FBN3: variants seen among roughly 807,000 people sequenced by gnomAD.
FBN3 encodes the protein fibrillin-3.
Under a neutral mutation model 330.1 loss-of-function variants are expected in FBN3, and 234 were observed. The observed-to-expected ratio is 0.71, with a 90% CI of 0.64 to 0.79. FBN3 has a LOEUF of 0.79. FBN3 is among the 30% of genes least tolerant of loss of function. FBN3 has a pLI of 0.00. For synonymous variants in FBN3, 1,458 were observed against 1,517.3 expected, an observed-to-expected ratio of 0.96 and a Z score of 0.91; for missense variants, 3,606 against 3,886.9, an observed-to-expected ratio of 0.93 and a Z score of 1.92.
At chr19:8,135,936 G>GGGGGGGGGGGGGCGGCCGGC in intron 13 of FBN3, 25 bp downstream of exon 13, 1 of 668,778 alleles carries the variant, frequency 1.5e-6, no homozygotes, top group Non-Finnish European at 2.4e-6. Context: ...GGAAGCCCCT[G>GGGGGGGGGGGGGCGGCCGGC]CCCACCCGCC....
Position 8,093,528 on chromosome 19 carries a change from C to T in FBN3, c.5905+918G>A, listed in dbSNP as rs1346791277. ...GTCCCAGCTATTTGGGAGGTTGAGG[C>T]AGGAGAATGGCGTGAACCTGGGAGG... On this transcript the variant is annotated intron_variant, in intron 47 of 63. Transcript: ENST00000600128. Among the ~76,000 whole-genome samples the T allele has an allele frequency of 1.3e-3, 196 of 151,984 alleles. 1 individual carries two copies. In the East Asian group the frequency reaches 0.034, roughly 27 times the overall value.
intron 63 of FBN3, among the ~76,000 whole-genome samples, chr19:8,066,760 TC>T (rs1340965187): frequency 1.3e-5 from 2 of 152,106 alleles, no homozygotes; most frequent in African/African-American, 4.8e-5. Context: ...GCGCCTGTAG[TC>T]CCAGCTACTT....
rs143770705 is a variant in FBN3 at position 8,080,837 on chromosome 19, G to A, written c.7453+166C>T. On this transcript the variant is annotated intron_variant, in intron 59 of 63. Coordinates refer to ENST00000600128, the MANE Select transcript of FBN3 (RefSeq NM_032447.5). ...GGTTTTCACCATGTTGGCCAGGCTG[G>A]TCTTGAACTCCTGACCTCAGATGAT... 6.1e-3 allele frequency among the ~76,000 whole-genome samples: 927 copies of A among 152,208 alleles called. 12 individuals carry two copies. Among genetic ancestry groups the A allele is most frequent in the African/African-American group, 0.021 (877 of 41,522 alleles).
rs2083144331 is a variant in FBN3 at position 8,131,455 on chromosome 19, C to T, written c.1990+99G>A. On this transcript the variant is annotated intron_variant, in intron 15 of 63. Coordinates refer to ENST00000600128, the MANE Select transcript of FBN3 (RefSeq NM_032447.5). This position sits in a 1 kb window ranked among gnomAD's most constrained non-coding sequence, Gnocchi z 4.5. ...CCCTTCAGCCTCTTTTTGGGAAGAG[C>T]CCCCACTCCATGGCAGCCATGACCC... 2.3e-5 allele frequency: 35 copies of T among 1,496,916 alleles called. No individual in the cohort carries two copies. The highest frequency in any genetic ancestry group is 3.0e-5 in the Non-Finnish European group (33 of 1,099,112). 92.7% of individuals were successfully genotyped at this position (1,496,916 alleles called of 1,614,324 possible). A position where few individuals can be genotyped will look rare whatever the true frequency, so the allele number is the denominator to read the frequency against.
intron 59 of FBN3, among the ~76,000 whole-genome samples, chr19:8,078,549 T>C (rs1423235826): frequency 6.6e-6 from 1 of 151,548 alleles, no homozygotes; most frequent in Non-Finnish European, 1.5e-5. Flanking sequence ...CCCTGGTCCA[T>C]GCAGCTGCTC....
Position 8,129,393 on chromosome 19 carries a change from G to A in FBN3, c.2045-28C>T. The A allele has an allele frequency of 6.2e-7, 1 of 1,611,490 alleles. No individual in the cohort carries two copies. The highest frequency in any genetic ancestry group is 2.2e-5 in the East Asian group (1 of 44,856). ...GCGGCAGGAGGAGGGTGTGTCAGCA[G>A]CAGCAGAAGGAGGGTGTGTCCGAGG... On this transcript the variant is annotated intron_variant, in intron 16 of 63. Coordinates refer to ENST00000600128, the MANE Select transcript of FBN3 (RefSeq NM_032447.5). This position sits in a 1 kb window ranked among gnomAD's most constrained non-coding sequence, Gnocchi z 4.5.
rs1599454493 is a variant in FBN3 at position 8,144,908 on chromosome 19, C to T, written c.510G>A (p.Val170=). The part of the protein sequence containing the change: ...RCIGPNRCAC[V]YGFMGPQCER... The stretch of plus-strand genomic sequence containing the variant: ...CACATTGAGGTCCCATGAAGCCATA[C>T]ACACAGGCGCAGCGGTTGGGCCCAA... The change falls in exon 6 of 64, where the codon GTG becomes GTA. Residue 170 remains valine, a synonymous_variant. Coordinates refer to ENST00000600128, the MANE Select transcript of FBN3 (RefSeq NM_032447.5). 7 of 1,612,172 alleles carry T rather than the reference C, an allele frequency of 4.3e-6. No individual in the cohort carries two copies. Among genetic ancestry groups the T allele is most frequent in the Non-Finnish European group, 4.2e-6 (5 of 1,179,544 alleles).
At chr19:8,126,087 G>A in intron 21 of FBN3, 70 bp from the exon 22 acceptor site, 2 of 1,600,540 alleles carry the variant, frequency 1.2e-6, no homozygotes, top group South Asian at 1.1e-5. Context: ...TTCCCCTGGG[G>A]TCTCAAGTTG....
At chr19:8,107,118 GGGATGGATGGAAGGAT>G (rs1257319664) in intron 37 of FBN3, among the ~76,000 whole-genome samples, 11 of 146,804 alleles carry the variant, frequency 7.5e-5, no homozygotes, top group Admixed American at 6.8e-4. Flanking sequence ...GAAGGATGGA[GGGATGGATGGAAGGAT>G]GGATGAATGG....
Position 8,076,383 on chromosome 19 carries a change from A to G in FBN3, c.7454-972T>C, listed in dbSNP as rs1038945824. On this transcript the variant is annotated intron_variant, in intron 59 of 63. Coordinates refer to ENST00000600128, the MANE Select transcript of FBN3 (RefSeq NM_032447.5). ...TACAGTGGCTCATGCCTGTAATCCC[A>G]GTGCTTTGGGAGGCCTAGGGAGCCT... Among the ~76,000 whole-genome samples the G allele has an allele frequency of 2.6e-5, 4 of 152,160 alleles. No individual in the cohort carries two copies. The East Asian group carries it at 7.7e-4, about 29-fold the overall frequency.
At chr19:8,116,560 C>T in intron 29 of FBN3, 114 bp downstream of exon 29, 1 of 1,121,386 alleles carries the variant, frequency 8.9e-7, no homozygotes. Flanking sequence ...CTGCGAATGG[C>T]AGGGGTGGGG....
chr19:8,081,229 C>T lies in FBN3; in HGVS notation c.7337-110G>A, dbSNP rs1029041161. ...GGCAGAGGGGTGACAAGAGAAAGAC[C>T]TCGGAGATGGTGCTTGACTCCATGC... On this transcript the variant is annotated intron_variant, in intron 58 of 63. Transcript: ENST00000600128. 4.0e-6 allele frequency: 6 copies of T among 1,494,072 alleles called. No individual in the cohort carries two copies. In the African/African-American group the frequency reaches 8.3e-5, roughly 21 times the overall value. 92.6% of individuals were successfully genotyped at this position (1,494,072 alleles called of 1,614,324 possible). A position where few individuals can be genotyped will look rare whatever the true frequency, so the allele number is the denominator to read the frequency against.
At chr19:8,081,827 C>T (rs569013947) in intron 57 of FBN3, among the ~76,000 whole-genome samples, 3 of 151,836 alleles carry the variant, frequency 2.0e-5, no homozygotes, top group Admixed American at 1.3e-4. Flanking sequence ...CTTAGATGTA[C>T]GCTTGCTACA....
chr19:8,115,688 C>T, intron 29 of FBN3, 48 bp from the exon 30 acceptor site: 1 of 1,602,654 alleles, frequency 6.2e-7, no homozygotes, highest in South Asian at 1.1e-5. Flanking sequence ...GCAGGGGTGA[C>T]AGGAGAGGAA....
intron 31 of FBN3, 54 bp downstream of exon 31, chr19:8,111,923 G>GC: frequency 2.3e-6 from 2 of 867,172 alleles, no homozygotes; most frequent in Admixed American, 4.9e-5. Flanking sequence ...CCACCGCCTT[G>GC]CCCCCCACCT....
At chr19:8,125,406 C>A (rs577631481) in intron 22 of FBN3, among the ~76,000 whole-genome samples, 16 of 134,086 alleles carry the variant, frequency 1.2e-4, no homozygotes, top group South Asian at 5.0e-4. Flanking sequence ...AGAGTGAGAC[C>A]CTGTCTCAAG....
chr19:8,066,494 T>C (rs1487790915), intron 63 of FBN3, among the ~76,000 whole-genome samples: 1 of 152,052 alleles, frequency 6.6e-6, no homozygotes. Flanking sequence ...ATGTTCTCAG[T>C]TATAAGTGGG....
chr19:8,083,225 A>C, intron 57 of FBN3, 22 bp downstream of exon 57: 1 of 1,613,650 alleles, frequency 6.2e-7, no homozygotes, highest in Non-Finnish European at 8.5e-7. Flanking sequence ...CCAAGGGTGC[A>C]GGTGCAGAGG....
At chr19:8,146,305 G>A (rs563778344) in intron 3 of FBN3, 80 bp from the exon 4 acceptor site, 38 of 1,205,540 alleles carry the variant, frequency 3.2e-5, no homozygotes, top group African/African-American at 3.0e-4. Flanking sequence ...CGGGCTGGCC[G>A]GAACACCTCA....
Sources: allele counts gnomAD v4.1 joint callset (sites outside exome capture counted in the v4.1 genomes callset), GRCh38; gene constraint gnomAD v4.1.1; non-coding constraint Gnocchi (gnomAD v3.1); transcripts MANE v1.5; gene names NCBI Gene and HGNC (gene_info 2026-07-23, HGNC 2026-07-21).